IGDCC3: variants seen among roughly 807,000 people sequenced by gnomAD.
IGDCC3 encodes putative neuronal cell adhesion molecule.
A neutral mutation model predicts 72.0 loss-of-function variants in IGDCC3; 47 were observed. The ratio of observed to expected loss-of-function variants is 0.65; its 90% confidence interval spans 0.52 to 0.83. The LOEUF is 0.83. Among genes scored for constraint, IGDCC3 ranks in the 40% least tolerant of loss-of-function variants. The pLI is 0.00. For missense variants in IGDCC3, 1,038 were observed against 1,091.3 expected (o/e 0.95, Z 0.69); for synonymous variants, 477 against 472.8 (o/e 1.01, Z -0.11).
rs1269872177 is a variant in IGDCC3, at chr15:65,329,597, C to G, written c.1998G>C (p.Arg666Ser). 1.2e-6 allele frequency: 2 copies of G among 1,613,408 alleles called. No homozygotes were observed. Among genetic ancestry groups the G allele is most frequent in the African/African-American group, 1.3e-5 (1 of 74,858 alleles). The change falls in exon 13 of 14, where the codon AGG becomes AGC. Residue 666 changes from arginine (R) to serine (S), a missense_variant and splice_region_variant. Coordinates refer to ENST00000327987, the MANE Select transcript of IGDCC3 (RefSeq NM_004884.4). This position sits in a 1 kb window ranked among gnomAD's most constrained non-coding sequence, Gnocchi z 4.1. ...TTTCCACATCTTTACACAGGAGGAC[C>G]CTAAGGGTTAGCCAAGAGTTGGGGG... ...VLFLLFGQRG[R>S]VLLCKDVENQ...
Position 65,329,424 on chromosome 15 carries a change from G to A in IGDCC3, c.2171C>T (p.Ala724Val), listed in dbSNP as rs754273114. 6.2e-7 allele frequency: 1 copy of A among 1,603,084 alleles called. No homozygotes were observed. Among genetic ancestry groups the A allele is most frequent in the Non-Finnish European group, 8.5e-7 (1 of 1,176,228 alleles). Reference sequence around the variant, plus strand: ...GGGGTCCGGCTGCCCTGCTGCGCTGGCCGGGGGGAACAGCTGCTCCAGCTC... The same window carrying A: ...GGGGTCCGGCTGCCCTGCTGCGCTGACCGGGGGGAACAGCTGCTCCAGCTC... The part of the protein sequence containing the change: ...MKELEQLFPP[A>V]SAAGQPDPRP... The change falls in exon 13 of 14, where the codon GCC becomes GTC. Residue 724 changes from alanine (A) to valine (V), a missense_variant. Ala to Val is a moderately conservative substitution (Grantham distance 64). Transcript: ENST00000327987. The surrounding 1 kb of genome is among the most constrained non-coding windows in gnomAD (Gnocchi z 4.1).
intron 2 of IGDCC3, among the ~76,000 whole-genome samples, chr15:65,338,761 G>A (rs1435381629): frequency 6.6e-6 from 1 of 152,176 alleles, no homozygotes; most frequent in Non-Finnish European, 1.5e-5. Flanking sequence ...GAGTGGATGA[G>A]TCGCTCTTCA....
chr15:65,373,450 G>A (rs920419186), intron 2 of IGDCC3: 5 of 152,350 alleles, frequency 3.3e-5, no homozygotes, highest in Non-Finnish European at 7.3e-5. Flanking sequence ...CCATATGGGG[G>A]CCTGGATCTG....
chr15:65,344,251 G>C (rs1168146857), intron 2 of IGDCC3, among the ~76,000 whole-genome samples: 1 of 152,084 alleles, frequency 6.6e-6, no homozygotes, highest in Non-Finnish European at 1.5e-5. Context: ...TTCACTGGGG[G>C]TGACTGACCC....
At position 65,332,102 on chromosome 15, in the gene IGDCC3, T is replaced by C. The variant is rs1202018739; in HGVS notation, c.987A>G (p.Pro329=). Residue 329 remains proline (P), a synonymous_variant, in exon 7 of 14, where the codon CCA becomes CCG. Transcript: ENST00000327987. The stretch of plus-strand genomic sequence containing the variant: ...ACTGGGGATGCTGCACAAACTCAGC[T>C]GGGGCTGCGAGTAGAGTCAGGAGGG... ...TAQGRLVVQA[P]AEFVQHPQSI... 3.1e-6 allele frequency: 5 copies of C among 1,612,788 alleles called. No individual in the cohort carries two copies. In the East Asian group the frequency reaches 6.7e-5, roughly 22 times the overall value.
chr15:65,347,080 C>A (rs1037357487), intron 2 of IGDCC3, among the ~76,000 whole-genome samples: 2 of 152,134 alleles, frequency 1.3e-5, no homozygotes, highest in African/African-American at 4.8e-5. Context: ...CTGCCCAGTC[C>A]CACAATATCC....
rs755980009 is a variant in IGDCC3 at position 65,329,690 on chromosome 15, C to T, written c.1997+36G>A. The T allele has an allele frequency of 3.1e-6, 5 of 1,613,576 alleles. No individual in the cohort carries two copies. The highest frequency in any genetic ancestry group is 1.7e-4 in the Middle Eastern group (1 of 6,058). ...CCTTCTCTAGGCCTAGTCCCCCACA[C>T]ACCAGCCCAGCCCCTCTCCCTGGCC... On this transcript the variant is annotated intron_variant, in intron 12 of 13. Coordinates refer to ENST00000327987, the MANE Select transcript of IGDCC3 (RefSeq NM_004884.4). The surrounding 1 kb of genome is among the most constrained non-coding windows in gnomAD (Gnocchi z 4.1).
chr15:65,362,521 C>A (rs79382602), intron 2 of IGDCC3, among the ~76,000 whole-genome samples: 9,877 of 136,992 alleles, frequency 0.072, 505 homozygotes, highest in African/African-American at 0.15. Context: ...CCTGCTCACA[C>A]GAAGCCTGAA....
chr15:65,365,202 T>G (rs2140167297), intron 2 of IGDCC3, among the ~76,000 whole-genome samples: 1 of 151,896 alleles, frequency 6.6e-6, no homozygotes, highest in Middle Eastern at 3.4e-3. Flanking sequence ...CCTAAGGGGG[T>G]TGGGAATTTC....
At chr15:65,357,957 A>G (rs1029515271) in intron 2 of IGDCC3, among the ~76,000 whole-genome samples, 4 of 152,208 alleles carry the variant, frequency 2.6e-5, no homozygotes, top group African/African-American at 9.6e-5. Flanking sequence ...TTGATGGGGT[A>G]GATGTAGGAT....
rs569833139 is a variant in IGDCC3 at position 65,335,370 on chromosome 15, C to T, written c.606G>A (p.Glu202=). The change falls in exon 4 of 14, where the codon GAG becomes GAA. Residue 202 remains glutamate, a synonymous_variant. Transcript: ENST00000327987. ...GVLQITGLRA[E]DGGIFHCVAS... ...CCACACAGTGGAAGATGCCACCGTC[C>T]TCAGCTCGAAGTCCTGTGATCTGCA... The T allele has an allele frequency of 5.0e-6, 8 of 1,613,800 alleles. No homozygotes were observed. The highest frequency in any genetic ancestry group is 6.8e-6 in the Non-Finnish European group (8 of 1,179,932).
At position 65,327,471 on chromosome 15, in the gene IGDCC3, G is replaced by T. The variant is rs1393347522; in HGVS notation, c.*1438C>A. ...GTGTCCCTAGAGGATTGGGGGTCAG[G>T]GATATTTATGGTCTCATTCTTAAGG... On this transcript the variant is annotated 3_prime_UTR_variant, in exon 14 of 14. Transcript: ENST00000327987. 1.3e-5 allele frequency: 2 copies of T among 151,944 alleles called. No homozygotes were observed. The highest frequency in any genetic ancestry group is 2.4e-5 in the African/African-American group (1 of 41,358). The allele number at this position is 151,944 out of a possible 1,614,324, so 9.4% of individuals were successfully genotyped here.
At chr15:65,355,660 G>GCCCCCCCCCCC in intron 2 of IGDCC3, 1 of 113,946 alleles carries the variant, frequency 8.8e-6, no homozygotes, top group Non-Finnish European at 1.9e-5. Context: ...CGGGCGTCCC[G>GCCCCCCCCCCC]CCCCCCCGCC....
rs1420839203 is a variant in IGDCC3 at position 65,377,717 on chromosome 15, C to T, written c.72G>A (p.Leu24=). 6.5e-6 allele frequency: 9 copies of T among 1,384,410 alleles called. No homozygotes were observed. In the African/African-American group the frequency reaches 7.6e-5, roughly 12 times the overall value. 85.8% of individuals were successfully genotyped at this position (1,384,410 alleles called of 1,614,324 possible). A position where few individuals can be genotyped will look rare whatever the true frequency, so the allele number is the denominator to read the frequency against. ...TCGGCGCGGGCAGCAGCAGCAACAG[C>T]AGCGGCAGCAGGAGCCGGGGCCAGA... is the stretch of plus-strand genomic sequence containing the variant. The part of the protein sequence containing the change: ...APLWPRLLLP[L]LLLLLPAPSE... The change falls in exon 1 of 14, where the codon CTG becomes CTA. Residue 24 remains leucine (L), a synonymous_variant. Coordinates refer to ENST00000327987, the MANE Select transcript of IGDCC3 (RefSeq NM_004884.4). The surrounding 1 kb of genome is among the most constrained non-coding windows in gnomAD (Gnocchi z 4.9).
Position 65,371,861 on chromosome 15 carries a change from C to T in IGDCC3, c.409+3236G>A, listed in dbSNP as rs185473197. On this transcript the variant is annotated intron_variant, in intron 2 of 13. Coordinates refer to ENST00000327987, the MANE Select transcript of IGDCC3 (RefSeq NM_004884.4). Reference sequence around the variant, plus strand: ...TGGGTCAGCCCCTTTAGAGGGATAGCGGAGGGTCTCACAGGCCAGGCCAGC... The same window carrying T: ...TGGGTCAGCCCCTTTAGAGGGATAGTGGAGGGTCTCACAGGCCAGGCCAGC... Among the ~76,000 whole-genome samples, 213 of 152,272 alleles carry T rather than the reference C, an allele frequency of 1.4e-3. No individual in the cohort carries two copies. The Middle Eastern group carries it at 0.02, about 15-fold the overall frequency.
In IGDCC3 at chr15:65,329,164, G is replaced by A. The variant is rs756934044; in HGVS notation, c.2206-16C>T. 12 of 1,596,392 alleles carry A rather than the reference G, an allele frequency of 7.5e-6. No homozygotes were observed. In the Admixed American group the frequency reaches 1.4e-4, roughly 19 times the overall value. ...CAGGATCCTGCTGGGGAAAGAGCCC[G>A]TCACACAGGCGTCAGCTTGAGGGCC... On this transcript the variant is annotated splice_polypyrimidine_tract_variant and intron_variant, in intron 13 of 13. Coordinates refer to ENST00000327987, the MANE Select transcript of IGDCC3 (RefSeq NM_004884.4). This position sits in a 1 kb window ranked among gnomAD's most constrained non-coding sequence, Gnocchi z 4.1.
chr15:65,371,694 T>G (rs924166041), intron 2 of IGDCC3, among the ~76,000 whole-genome samples: 1 of 152,180 alleles, frequency 6.6e-6, no homozygotes, highest in African/African-American at 2.4e-5. Flanking sequence ...GATCAAGAAT[T>G]AAGGCTAGGA....
chr15:65,347,977 C>G (rs2091140049), intron 2 of IGDCC3, among the ~76,000 whole-genome samples: 1 of 151,916 alleles, frequency 6.6e-6, no homozygotes, highest in East Asian at 1.9e-4. Flanking sequence ...AACAAACAAA[C>G]AAACAAAAAA....
chr15:65,367,523 TATA>T (rs1430268343), intron 2 of IGDCC3, among the ~76,000 whole-genome samples: 1 of 151,428 alleles, frequency 6.6e-6, no homozygotes, highest in African/African-American at 2.4e-5. Context: ...AACTTAAAAG[TATA>T]ATAATAATAA....
Sources: allele counts gnomAD v4.1 joint callset (sites outside exome capture counted in the v4.1 genomes callset), GRCh38; gene constraint gnomAD v4.1.1; non-coding constraint Gnocchi (gnomAD v3.1); transcripts MANE v1.5; gene names NCBI Gene and HGNC (gene_info 2026-07-23, HGNC 2026-07-21).